MYT1L: variants seen among roughly 807,000 people sequenced by gnomAD.
MYT1L encodes myelin transcription factor 1 like, also known as myelin transcription factor 1-like protein.
Under a neutral mutation model 126.7 loss-of-function variants are expected in MYT1L, and 12 were observed. The observed-to-expected ratio is 0.09, with a 90% CI of 0.06 to 0.15. The LOEUF (loss-of-function observed/expected upper bound fraction) is 0.15, where lower values mean the gene tolerates loss of function less well. Among genes scored for constraint, MYT1L ranks in the 10% least tolerant of loss-of-function variants. MYT1L has a pLI of 1.00. For synonymous variants in MYT1L, 541 were observed against 604.2 expected, an observed-to-expected ratio of 0.90 and a Z score of 1.53; for missense variants, 979 against 1,585.2, an observed-to-expected ratio of 0.62 and a Z score of 6.49.
intron 9 of MYT1L, among the ~76,000 whole-genome samples, chr2:1,935,322 GA>G (rs879278378): frequency 1.3e-5 from 2 of 151,776 alleles, no homozygotes; most frequent in South Asian, 2.1e-4. Flanking sequence ...TGGGCACAGA[GA>G]AAAAAAACAC....
At position 2,286,265 on chromosome 2, in the gene MYT1L, G is replaced by C. The variant is rs114048782; in HGVS notation, c.-520-1762C>G. Among the ~76,000 whole-genome samples, 415 of 152,256 alleles carry C rather than the reference G, an allele frequency of 2.7e-3. 5 individuals carry two copies. Among genetic ancestry groups the C allele is most frequent in the African/African-American group, 9.6e-3 (400 of 41,560 alleles). On this transcript the variant is annotated intron_variant, in intron 1 of 24. Transcript: ENST00000647738. ...CAATGTGCTGGGATTACAGGCATGG[G>C]ATTACCACACCCGGCCTGTTCTTCA...
intron 10 of MYT1L, among the ~76,000 whole-genome samples, chr2:1,920,488 G>T (rs1405471445): frequency 6.6e-6 from 1 of 152,114 alleles, no homozygotes; most frequent in East Asian, 1.9e-4. Context: ...TAGGATCCGG[G>T]AGTCTAAAAC....
rs529472543 is a variant in MYT1L, at chr2:2,242,265, G to A, written c.-421+42139C>T. On this transcript the variant is annotated intron_variant, in intron 2 of 24. Transcript: ENST00000647738. ...CCTCTGCCAATCTCTGCAAAGGAGC[G>A]CAGGCCCAGTAAATATCTCCCAAAT... 2.3e-3 allele frequency among the ~76,000 whole-genome samples: 347 copies of A among 152,186 alleles called. 3 individuals carry two copies. The highest frequency in any genetic ancestry group is 7.9e-3 in the African/African-American group (328 of 41,504).
chr2:2,198,283 C>T (rs1478156264), intron 2 of MYT1L, among the ~76,000 whole-genome samples: 1 of 151,970 alleles, frequency 6.6e-6, no homozygotes, highest in Non-Finnish European at 1.5e-5. Context: ...GTATGGGCCC[C>T]AGGAGTGGTT....
intron 18 of MYT1L, among the ~76,000 whole-genome samples, chr2:1,879,667 T>C (rs888667263): frequency 6.6e-6 from 1 of 152,122 alleles, no homozygotes; most frequent in African/African-American, 2.4e-5. Context: ...TATGTGTATA[T>C]ATATTTTAAA....
intron 3 of MYT1L, among the ~76,000 whole-genome samples, chr2:2,080,661 G>A (rs1047454805): frequency 6.6e-6 from 1 of 152,088 alleles, no homozygotes; most frequent in East Asian, 1.9e-4. Flanking sequence ...GGTGGCTATT[G>A]CAAAAAAGGA....
intron 5 of MYT1L, among the ~76,000 whole-genome samples, chr2:1,982,438 G>A (rs1169684745): frequency 6.6e-6 from 1 of 152,236 alleles, no homozygotes; most frequent in Admixed American, 6.5e-5. Flanking sequence ...TGTAGTGGAA[G>A]TTTGGATGAG....
At chr2:2,078,446 G>A (rs999477159) in intron 3 of MYT1L, among the ~76,000 whole-genome samples, 8 of 152,050 alleles carry the variant, frequency 5.3e-5, no homozygotes, top group South Asian at 4.1e-4. Flanking sequence ...TCTAGAAAAC[G>A]CACTTTGAAT....
chr2:2,129,593 A>G (rs1354111459), intron 3 of MYT1L, among the ~76,000 whole-genome samples: 3 of 152,126 alleles, frequency 2.0e-5, no homozygotes, highest in East Asian at 3.9e-4. Context: ...ACAAACACCA[A>G]TTGCATATTG....
intron 4 of MYT1L, among the ~76,000 whole-genome samples, chr2:2,031,414 G>C (rs2066232479): frequency 6.7e-6 from 1 of 148,788 alleles, no homozygotes; most frequent in Non-Finnish European, 1.5e-5. Context: ...CTCTCATCCT[G>C]TGGCCCAGAG....
chr2:2,317,314 T>G (rs1049609180), intron 1 of MYT1L, among the ~76,000 whole-genome samples: 17 of 152,082 alleles, frequency 1.1e-4, no homozygotes, highest in African/African-American at 4.1e-4. Context: ...GTCGGTGTGG[T>G]CCTGCTGATA....
intron 4 of MYT1L, among the ~76,000 whole-genome samples, chr2:2,007,559 C>T (rs1357263288): frequency 6.6e-6 from 1 of 152,208 alleles, no homozygotes; most frequent in Non-Finnish European, 1.5e-5. Flanking sequence ...AGATATTTAA[C>T]CTTTTATCTG....
At chr2:1,933,446 C>A (rs558888944) in intron 9 of MYT1L, among the ~76,000 whole-genome samples, 6 of 152,190 alleles carry the variant, frequency 3.9e-5, no homozygotes, top group Admixed American at 6.5e-5. Flanking sequence ...TTGTTAATGT[C>A]GCTTCACTTT....
chr2:1,896,842 T>C (rs759551635), intron 14 of MYT1L, among the ~76,000 whole-genome samples: 1 of 152,240 alleles, frequency 6.6e-6, no homozygotes. Context: ...GACAACATTT[T>C]ACTTGAAAGA....
At chr2:2,158,636 C>A (rs1389430168) in intron 3 of MYT1L, among the ~76,000 whole-genome samples, 14 of 151,442 alleles carry the variant, frequency 9.2e-5, no homozygotes, top group Non-Finnish European at 1.2e-4. Context: ...CACACACACA[C>A]ACACACACAC....
chr2:2,021,813 C>T (rs1353125025), intron 4 of MYT1L, among the ~76,000 whole-genome samples: 6 of 152,116 alleles, frequency 3.9e-5, no homozygotes, highest in Middle Eastern at 3.2e-3. Context: ...AGGAGAATGG[C>T]GTGAACCCGG....
chr2:2,183,865 A>G (rs1480669708), intron 2 of MYT1L, among the ~76,000 whole-genome samples: 1 of 145,080 alleles, frequency 6.9e-6, no homozygotes, highest in African/African-American at 2.6e-5. Context: ...GGGAAGGAAA[A>G]AGGAAGGAAG....
chr2:1,806,887 G>A lies in MYT1L; in HGVS notation c.3172+2189C>T, dbSNP rs1400623148. The stretch of plus-strand genomic sequence containing the variant: ...CCACTTTAATCCAGGGTTATTCGGG[G>A]GTGAAATGCCCTCTAAGTATTTTGA... On this transcript the variant is annotated intron_variant, in intron 22 of 24. Transcript: ENST00000647738. This position sits in a 1 kb window ranked among gnomAD's most constrained non-coding sequence, Gnocchi z 4.9. Among the ~76,000 whole-genome samples, 1 of 152,220 alleles carries A rather than the reference G, an allele frequency of 6.6e-6. No individual in the cohort carries two copies. The highest frequency in any genetic ancestry group is 1.5e-5 in the Non-Finnish European group (1 of 68,038).
intron 3 of MYT1L, among the ~76,000 whole-genome samples, chr2:2,133,634 T>G (rs62116727): frequency 6.6e-6 from 1 of 152,136 alleles, no homozygotes. Context: ...AATAGCTGAT[T>G]AATTTTTTTT....
Sources: gnomAD v4.1 joint callset for allele counts (sites outside exome capture counted in the v4.1 genomes callset) on GRCh38, gnomAD v4.1.1 for gene constraint, Gnocchi (gnomAD v3.1) non-coding constraint, MANE v1.5 for transcripts, NCBI Gene and HGNC (gene_info 2026-07-23, HGNC 2026-07-21) for gene names.